NRG1: variants seen among roughly 807,000 people sequenced by gnomAD.
NRG1 encodes the protein neuregulin 1, also known as pro-neuregulin-1, membrane-bound isoform.
Under a neutral mutation model 63.8 loss-of-function variants are expected in NRG1, and 18 were observed. The observed-to-expected ratio is 0.28, with a 90% CI of 0.19 to 0.42. The LOEUF is 0.42. Among genes scored for constraint, NRG1 ranks in the 10% least tolerant of loss-of-function variants. NRG1 has a pLI of 1.00. For synonymous variants in NRG1, 302 were observed against 301.3 expected (o/e 1.00, Z -0.02); for missense variants, 762 against 814.7 (o/e 0.94, Z 0.79).
chr8:31,689,193 C>A (rs1165804686), intron 1 of NRG1, among the ~76,000 whole-genome samples: 1 of 152,098 alleles, frequency 6.6e-6, no homozygotes. Context: ...CCATATGCAC[C>A]TTTCTTACCA....
chr8:32,571,076 G>A (rs148015371), intron 1 of NRG1, among the ~76,000 whole-genome samples: 339 of 152,294 alleles, frequency 2.2e-3, no homozygotes, highest in African/African-American at 7.7e-3. Context: ...TGGTGGGAAA[G>A]GTGGGTTAAG....
At chr8:32,432,232 A>C (rs549261826) in intron 1 of NRG1, among the ~76,000 whole-genome samples, 14 of 152,310 alleles carry the variant, frequency 9.2e-5, no homozygotes, top group African/African-American at 3.4e-4. Context: ...TTAGAGGATA[A>C]AAGGATAGTC....
chr8:31,879,519 G>A (rs565150669), intron 1 of NRG1, among the ~76,000 whole-genome samples: 2 of 152,134 alleles, frequency 1.3e-5, no homozygotes, highest in Non-Finnish European at 2.9e-5. Flanking sequence ...CTTTGATCCA[G>A]GGTCAGATCT....
chr8:32,486,490 G>A (rs1587923057), intron 1 of NRG1, among the ~76,000 whole-genome samples: 1 of 152,124 alleles, frequency 6.6e-6, no homozygotes, highest in Admixed American at 6.6e-5. Flanking sequence ...AGTTGACATT[G>A]TGCTAGAATA....
intron 1 of NRG1, among the ~76,000 whole-genome samples, chr8:32,349,070 G>T (rs555570066): frequency 2.0e-5 from 3 of 152,292 alleles, no homozygotes; most frequent in African/African-American, 7.2e-5. Context: ...TTACACTTTT[G>T]AGTGGGACTG....
intron 1 of NRG1, among the ~76,000 whole-genome samples, chr8:32,485,832 A>G (rs1212950980): frequency 6.6e-6 from 1 of 152,214 alleles, no homozygotes; most frequent in Non-Finnish European, 1.5e-5. Flanking sequence ...AGGTGATCAT[A>G]CCAATTATAT....
At chr8:32,106,109 A>G (rs1831226198) in intron 1 of NRG1, among the ~76,000 whole-genome samples, 1 of 152,228 alleles carries the variant, frequency 6.6e-6, no homozygotes, top group Admixed American at 6.5e-5. Flanking sequence ...GCATATAACA[A>G]ACAGATGACT....
chr8:31,901,852 T>C (rs1252424852), intron 1 of NRG1, among the ~76,000 whole-genome samples: 1 of 152,244 alleles, frequency 6.6e-6, no homozygotes, highest in Admixed American at 6.5e-5. Flanking sequence ...TCAGAGTTTG[T>C]TTCCTTGTCA....
chr8:32,108,673 G>C (rs1831597487), intron 1 of NRG1, among the ~76,000 whole-genome samples: 1 of 151,936 alleles, frequency 6.6e-6, no homozygotes, highest in Non-Finnish European at 1.5e-5. Context: ...AAGTGGAAGA[G>C]GGTGACACAA....
At chr8:32,501,928 A>C (rs927676127) in intron 1 of NRG1, among the ~76,000 whole-genome samples, 3 of 152,184 alleles carry the variant, frequency 2.0e-5, no homozygotes, top group Non-Finnish European at 2.9e-5. Flanking sequence ...GGAGTTCAAG[A>C]CCAGCCTAGG....
chr8:32,440,352 CTA>C (rs1198035873), intron 1 of NRG1, among the ~76,000 whole-genome samples: 2 of 152,038 alleles, frequency 1.3e-5, no homozygotes, highest in Admixed American at 1.3e-4. Context: ...TGGAGTGTCA[CTA>C]TGTTTTGTTT....
intron 5 of NRG1, among the ~76,000 whole-genome samples, chr8:32,646,250 C>T (rs1853509037): frequency 6.6e-6 from 1 of 152,156 alleles, no homozygotes; most frequent in African/African-American, 2.4e-5. Context: ...TCCCTTCCTC[C>T]AGCCTGTACT....
chr8:32,103,191 C>T (rs1034650154), intron 1 of NRG1, among the ~76,000 whole-genome samples: 1 of 152,144 alleles, frequency 6.6e-6, no homozygotes, highest in African/African-American at 2.4e-5. Context: ...CCCCAGTACC[C>T]TTCCTATCCT....
intron 1 of NRG1, among the ~76,000 whole-genome samples, chr8:32,571,050 G>T (rs933769715): frequency 3.3e-5 from 5 of 152,114 alleles, no homozygotes; most frequent in African/African-American, 1.2e-4. Context: ...GCCTGGTTAG[G>T]TCCTAGAAAA....
intron 1 of NRG1, among the ~76,000 whole-genome samples, chr8:32,455,141 A>G (rs1031477113): frequency 9.9e-5 from 15 of 152,186 alleles, no homozygotes; most frequent in African/African-American, 3.6e-4. Context: ...CCCATCGTTA[A>G]GCAACCATTA....
chr8:32,126,764 G>A (rs1455457546), intron 1 of NRG1, among the ~76,000 whole-genome samples: 1 of 151,914 alleles, frequency 6.6e-6, no homozygotes, highest in African/African-American at 2.4e-5. Flanking sequence ...AAGATGTTTA[G>A]CTTTTCAATT....
At chr8:32,084,870 CT>C (rs1281023860) in intron 1 of NRG1, among the ~76,000 whole-genome samples, 1 of 152,074 alleles carries the variant, frequency 6.6e-6, no homozygotes, top group African/African-American at 2.4e-5. Flanking sequence ...CTTTTGGCTA[CT>C]TTTCTGTAAA....
chr8:32,530,973 C>T (rs1831395780), intron 1 of NRG1, among the ~76,000 whole-genome samples: 1 of 152,080 alleles, frequency 6.6e-6, no homozygotes, highest in Admixed American at 6.6e-5. Context: ...TGGGAAGCAC[C>T]TGTAATTCCA....
intron 1 of NRG1, among the ~76,000 whole-genome samples, chr8:32,069,975 C>G (rs1163099090): frequency 6.6e-6 from 1 of 152,110 alleles, no homozygotes; most frequent in Non-Finnish European, 1.5e-5. Context: ...GGTAGAGAGT[C>G]CTTTGTGGTT....
Sources: gnomAD v4.1 joint callset for allele counts (sites outside exome capture counted in the v4.1 genomes callset) on GRCh38, gnomAD v4.1.1 for gene constraint, MANE v1.5 for transcripts, NCBI Gene and HGNC (gene_info 2026-07-23, HGNC 2026-07-21) for gene names.